CCDC6: variants seen among roughly 807,000 people sequenced by gnomAD.
CCDC6 encodes coiled-coil domain-containing protein 6.
In CCDC6, 20 loss-of-function variants were observed where a neutral mutation model predicts 56.6. That is an observed-to-expected ratio of 0.35 (90% CI 0.25 to 0.51). The LOEUF is 0.51. Among genes scored for constraint, CCDC6 ranks in the 20% least tolerant of loss-of-function variants. The pLI is 0.95. For missense variants in CCDC6, 367 were observed against 601.1 expected (o/e 0.61, Z 4.07); for synonymous variants, 241 against 234.4 (o/e 1.03, Z -0.26).
At chr10:59,829,706 C>T (rs1342760452) in intron 3 of CCDC6, among the ~76,000 whole-genome samples, 3 of 152,126 alleles carry the variant, frequency 2.0e-5, no homozygotes, top group Non-Finnish European at 4.4e-5. Flanking sequence ...CCAGAATAGG[C>T]AAATACACAG....
chr10:59,803,451 T>C (rs2070593469), intron 7 of CCDC6, among the ~76,000 whole-genome samples: 1 of 152,202 alleles, frequency 6.6e-6, no homozygotes, highest in Admixed American at 6.5e-5. Context: ...ACTGCAAAAC[T>C]CTGCCTCTGT....
intron 3 of CCDC6, among the ~76,000 whole-genome samples, chr10:59,823,358 G>A (rs1011261368): frequency 2.0e-5 from 3 of 152,232 alleles, no homozygotes; most frequent in Admixed American, 6.5e-5. Flanking sequence ...AGGCACCCCC[G>A]CCTAGATGCT....
At chr10:59,834,127 GACA>G (rs1564744563) in intron 2 of CCDC6, among the ~76,000 whole-genome samples, 2 of 152,126 alleles carry the variant, frequency 1.3e-5, no homozygotes, top group Admixed American at 6.5e-5. Context: ...GGGTGGAGTG[GACA>G]ACTGAGAGCT....
intron 2 of CCDC6, among the ~76,000 whole-genome samples, chr10:59,848,576 G>A (rs938624006): frequency 1.3e-5 from 2 of 152,140 alleles, no homozygotes; most frequent in Non-Finnish European, 2.9e-5. Flanking sequence ...TACCTGGAAG[G>A]TGAACTGAGA....
chr10:59,790,396 G>C lies in CCDC6; in HGVS notation c.*2521C>G, dbSNP rs1235930071. ...CAGGAACCATGTTCAGCCCCCATGA[G>C]AAGTGCCCGACTGAGGGAAGTCAGC... On this transcript the variant is annotated 3_prime_UTR_variant, in exon 9 of 9. Transcript: ENST00000263102. 4.6e-6 allele frequency: 1 copy of C among 217,462 alleles called. No individual in the cohort carries two copies. Among genetic ancestry groups the C allele is most frequent in the East Asian group, 6.7e-5 (1 of 14,836 alleles). 13.5% of individuals were successfully genotyped at this position (217,462 alleles called of 1,614,324 possible).
At chr10:59,831,930 C>T (rs1268775730) in intron 3 of CCDC6, among the ~76,000 whole-genome samples, 1 of 152,186 alleles carries the variant, frequency 6.6e-6, no homozygotes, top group African/African-American at 2.4e-5. Context: ...TTTGCCATTT[C>T]TGGTTTTAGT....
intron 5 of CCDC6, 81 bp from the exon 6 acceptor site, chr10:59,807,159 C>T: frequency 7.9e-7 from 1 of 1,267,962 alleles, no homozygotes; most frequent in Non-Finnish European, 1.1e-6. Flanking sequence ...TCAGTTCAGC[C>T]CCTATGCCAT....
At chr10:59,802,923 T>C in intron 7 of CCDC6, among the ~76,000 whole-genome samples, 1 of 152,238 alleles carries the variant, frequency 6.6e-6, no homozygotes, top group Non-Finnish European at 1.5e-5. Context: ...TTATCTTTAA[T>C]ATGAATCAGC....
intron 1 of CCDC6, among the ~76,000 whole-genome samples, chr10:59,876,069 A>T (rs60703510): frequency 0.014 from 127 of 9,202 alleles, 6 homozygotes; most frequent in African/African-American, 0.049. Flanking sequence ...GCATGCACAG[A>T]TGTCTTTTTT....
intron 2 of CCDC6, among the ~76,000 whole-genome samples, chr10:59,840,566 C>G (rs1564746053): frequency 1.3e-5 from 2 of 152,226 alleles, no homozygotes; most frequent in Admixed American, 6.5e-5. Context: ...ATTTATATCT[C>G]TAGCCCAGAC....
At chr10:59,867,901 A>G (rs2071190556) in intron 1 of CCDC6, among the ~76,000 whole-genome samples, 1 of 152,104 alleles carries the variant, frequency 6.6e-6, no homozygotes, top group African/African-American at 2.4e-5. Context: ...ATGACCTGGA[A>G]GCCCCCACTT....
At chr10:59,872,239 T>C (rs2071235792) in intron 1 of CCDC6, among the ~76,000 whole-genome samples, 1 of 152,254 alleles carries the variant, frequency 6.6e-6, no homozygotes, top group African/African-American at 2.4e-5. Flanking sequence ...TTGTTTCCAA[T>C]GCTTCTGCCC....
intron 1 of CCDC6, among the ~76,000 whole-genome samples, chr10:59,884,991 G>C (rs1357676666): frequency 6.6e-6 from 1 of 152,002 alleles, no homozygotes; most frequent in Non-Finnish European, 1.5e-5. Flanking sequence ...TTGAACCCGG[G>C]AGACAGAGGT....
intron 3 of CCDC6, 38 bp downstream of exon 3, chr10:59,832,487 A>C: frequency 6.3e-7 from 1 of 1,583,878 alleles, no homozygotes; most frequent in Non-Finnish European, 8.6e-7. Flanking sequence ...GCTGAGAACG[A>C]GAAAATACAA....
intron 1 of CCDC6, among the ~76,000 whole-genome samples, chr10:59,867,213 T>C (rs189006536): frequency 1.3e-5 from 2 of 152,240 alleles, no homozygotes; most frequent in Admixed American, 6.5e-5. Flanking sequence ...TCACATCTTG[T>C]AGACCAAAAA....
At chr10:59,875,942 T>C (rs1019915828) in intron 1 of CCDC6, among the ~76,000 whole-genome samples, 5 of 152,150 alleles carry the variant, frequency 3.3e-5, no homozygotes, top group African/African-American at 1.2e-4. Flanking sequence ...TGAGACTATA[T>C]ACTCCTATCA....
chr10:59,840,609 T>C (rs1259173799), intron 2 of CCDC6, among the ~76,000 whole-genome samples: 2 of 152,240 alleles, frequency 1.3e-5, no homozygotes, highest in Non-Finnish European at 2.9e-5. Context: ...TCTGTCCCAC[T>C]GCCTTGTCTG....
chr10:59,898,005 C>T (rs1761965675), intron 1 of CCDC6, among the ~76,000 whole-genome samples: 1 of 152,198 alleles, frequency 6.6e-6, no homozygotes, highest in Non-Finnish European at 1.5e-5. Flanking sequence ...TGATCTGGAA[C>T]AGATGCATGG....
At chr10:59,879,440 CT>C (rs2071313947) in intron 1 of CCDC6, among the ~76,000 whole-genome samples, 1 of 152,164 alleles carries the variant, frequency 6.6e-6, no homozygotes. Context: ...TTATTACAAA[CT>C]AATCTGACAC....
Sources: gnomAD v4.1 joint callset for allele counts (sites outside exome capture counted in the v4.1 genomes callset) on GRCh38, gnomAD v4.1.1 for gene constraint, MANE v1.5 for transcripts, NCBI Gene and HGNC (gene_info 2026-07-23, HGNC 2026-07-21) for gene names.